BTBD16: variants seen among roughly 807,000 people sequenced by gnomAD.
BTBD16 encodes BTB/POZ domain-containing protein 16.
In BTBD16, 66 loss-of-function variants were observed where a neutral mutation model predicts 67.4. That is an observed-to-expected ratio of 0.98 (90% CI 0.80 to 1.20). The LOEUF is 1.20. Among genes scored for constraint, BTBD16 ranks in the 50% most tolerant of loss-of-function variants. BTBD16 has a pLI of 0.00. For synonymous variants in BTBD16, 242 were observed against 236.4 expected, an observed-to-expected ratio of 1.02 and a Z score of -0.22; for missense variants, 634 against 616.0, an observed-to-expected ratio of 1.03 and a Z score of -0.31.
At chr10:122,296,295 C>T (rs546092360) in intron 7 of BTBD16, among the ~76,000 whole-genome samples, 9 of 152,114 alleles carry the variant, frequency 5.9e-5, no homozygotes, top group South Asian at 4.2e-4. Context: ...TTGGCAAAAG[C>T]GGCACACCAA....
chr10:122,317,588 A>G (rs1469524751), intron 10 of BTBD16, among the ~76,000 whole-genome samples: 1 of 152,138 alleles, frequency 6.6e-6, no homozygotes, highest in East Asian at 1.9e-4. Flanking sequence ...CGGAGCTTGC[A>G]GTGAGCCGAG....
At position 122,307,451 on chromosome 10, in the gene BTBD16, A is replaced by T. The variant is rs1340160646; in HGVS notation, c.911+143A>T. 3.8e-6 allele frequency: 3 copies of T among 796,312 alleles called. No homozygotes were observed. In the African/African-American group the frequency reaches 5.4e-5, roughly 14 times the overall value. The allele number at this position is 796,312 out of a possible 1,614,324, so 49.3% of individuals were successfully genotyped here. A position where few individuals can be genotyped will look rare whatever the true frequency, so the allele number is the denominator to read the frequency against. ...GGCACTGTTTTTTTAATAGGGCCTA[A>T]GATTATAGGATGCTTTCAAACCACC... On this transcript the variant is annotated intron_variant, in intron 10 of 15. Coordinates refer to ENST00000260723, the MANE Select transcript of BTBD16 (RefSeq NM_144587.5).
At chr10:122,336,879 C>A (rs181015034) in intron 15 of BTBD16, among the ~76,000 whole-genome samples, 197 bp downstream of exon 15, 1 of 152,252 alleles carries the variant, frequency 6.6e-6, no homozygotes, top group East Asian at 1.9e-4. Context: ...ACCATGGATA[C>A]AGGTAACTAT....
intron 3 of BTBD16, among the ~76,000 whole-genome samples, chr10:122,282,404 G>C (rs1220493006): frequency 6.6e-6 from 1 of 152,162 alleles, no homozygotes; most frequent in African/African-American, 2.4e-5. Flanking sequence ...CTCCCCCCTT[G>C]GAAAGGGCAG....
At chr10:122,293,304 G>A (rs1231929715) in intron 7 of BTBD16, among the ~76,000 whole-genome samples, 4 of 152,180 alleles carry the variant, frequency 2.6e-5, no homozygotes, top group Non-Finnish European at 4.4e-5. Context: ...TTCATTTTTT[G>A]TAGAGTTCAC....
chr10:122,334,362 A>AT (rs974570983), intron 13 of BTBD16, among the ~76,000 whole-genome samples: 9 of 149,272 alleles, frequency 6.0e-5, no homozygotes, highest in African/African-American at 2.0e-4. Flanking sequence ...CGCCTGGCTA[A>AT]TTTTTTGTAT....
chr10:122,286,087 A>G lies in BTBD16; in HGVS notation c.242-18A>G, dbSNP rs770427210. On this transcript the variant is annotated intron_variant, in intron 4 of 15. Transcript: ENST00000260723. The stretch of plus-strand genomic sequence containing the variant: ...GACGTTACTGATGTGTTTGCTCAGC[A>G]TCATTTTCTGTCCTCAGATGTGATT... The G allele has an allele frequency of 1.1e-5, 18 of 1,608,692 alleles. No individual in the cohort carries two copies. The highest frequency in any genetic ancestry group is 1.5e-5 in the Non-Finnish European group (18 of 1,176,350).
chr10:122,323,001 C>T (rs1263877285), intron 10 of BTBD16, among the ~76,000 whole-genome samples: 3 of 152,180 alleles, frequency 2.0e-5, no homozygotes, highest in African/African-American at 7.2e-5. Context: ...ACTCCCTTTA[C>T]CCTCCCAGTC....
chr10:122,285,825 A>G (rs1028630), intron 4 of BTBD16, among the ~76,000 whole-genome samples: 69,643 of 151,998 alleles, frequency 0.46, 17,232 homozygotes, highest in East Asian at 0.89. Context: ...AGGGCAGCAC[A>G]AGTGCCTCTG....
intron 8 of BTBD16, among the ~76,000 whole-genome samples, chr10:122,298,125 A>G (rs560480717): frequency 1.3e-5 from 2 of 152,192 alleles, no homozygotes; most frequent in African/African-American, 4.8e-5. Flanking sequence ...CTTCCAGAAC[A>G]TTCTTGCTGG....
At chr10:122,307,644 A>G (rs2096406025) in intron 10 of BTBD16, among the ~76,000 whole-genome samples, 1 of 152,032 alleles carries the variant, frequency 6.6e-6, no homozygotes. Context: ...AAAAAAAATC[A>G]GCTTTCTTAG....
intron 8 of BTBD16, among the ~76,000 whole-genome samples, 179 bp from the exon 9 acceptor site, chr10:122,298,825 C>A (rs753783653): frequency 2.6e-5 from 4 of 152,132 alleles, no homozygotes; most frequent in Non-Finnish European, 5.9e-5. Context: ...GAGTGCAGCG[C>A]CTCGAGCATA....
intron 13 of BTBD16, among the ~76,000 whole-genome samples, chr10:122,334,182 A>G (rs1350412760): frequency 3.4e-5 from 5 of 144,944 alleles, no homozygotes; most frequent in Admixed American, 7.0e-5. Flanking sequence ...TTGTTTTACC[A>G]TGTCCTCTTG....
chr10:122,335,800 A>G (rs986202490), intron 14 of BTBD16, among the ~76,000 whole-genome samples: 6 of 152,132 alleles, frequency 3.9e-5, no homozygotes, highest in East Asian at 1.9e-4. Flanking sequence ...TTGAGAGGCC[A>G]TATCTTATTA....
intron 10 of BTBD16, among the ~76,000 whole-genome samples, chr10:122,315,972 T>G (rs2096423471): frequency 6.6e-6 from 1 of 152,068 alleles, no homozygotes; most frequent in Non-Finnish European, 1.5e-5. Flanking sequence ...TGACACTAAA[T>G]AGTCCACTCA....
intron 10 of BTBD16, among the ~76,000 whole-genome samples, chr10:122,322,783 C>G (rs1444615815): frequency 6.6e-6 from 1 of 152,164 alleles, no homozygotes; most frequent in Non-Finnish European, 1.5e-5. Flanking sequence ...TCCACTGTGC[C>G]TCCACACTTG....
In BTBD16 at chr10:122,283,953, C is replaced by T. The variant is rs965588013; in HGVS notation, c.241+29C>T. 4 of 1,535,502 alleles carry T rather than the reference C, an allele frequency of 2.6e-6. No individual in the cohort carries two copies. In the African/African-American group the frequency reaches 4.1e-5, roughly 16 times the overall value. On this transcript the variant is annotated intron_variant, in intron 4 of 15. Coordinates refer to ENST00000260723, the MANE Select transcript of BTBD16 (RefSeq NM_144587.5). ...AGTTTGTGTTATCCATGGATTAAGCCAGAATGTTGCTGATTTCAGGGGCAT... is the reference window on the plus strand; with the variant it reads ...AGTTTGTGTTATCCATGGATTAAGCTAGAATGTTGCTGATTTCAGGGGCAT...
Position 122,326,310 on chromosome 10 carries a change from A to C in BTBD16, c.912-3170A>C, listed in dbSNP as rs574738155. Among the ~76,000 whole-genome samples, 142 of 152,050 alleles carry C rather than the reference A, an allele frequency of 9.3e-4. No individual in the cohort carries two copies. The Middle Eastern group carries it at 0.01, about 11-fold the overall frequency. On this transcript the variant is annotated intron_variant, in intron 10 of 15. Coordinates refer to ENST00000260723, the MANE Select transcript of BTBD16 (RefSeq NM_144587.5). ...TCTCCAGAACTTTTCCATCTTCCCA[A>C]ACTGAAACTCTACCCATGAAACAAC...
chr10:122,272,802 G>A (rs553690220), intron 1 of BTBD16, among the ~76,000 whole-genome samples: 2 of 152,106 alleles, frequency 1.3e-5, no homozygotes, highest in Admixed American at 6.5e-5. Flanking sequence ...CAGACAAAAT[G>A]TTAGTGTCCC....
Sources: gnomAD v4.1 joint callset for allele counts (sites outside exome capture counted in the v4.1 genomes callset) on GRCh38, gnomAD v4.1.1 for gene constraint, MANE v1.5 for transcripts, NCBI Gene and HGNC (gene_info 2026-07-23, HGNC 2026-07-21) for gene names.